EPHX2: variants seen among roughly 807,000 people sequenced by gnomAD.
EPHX2 encodes the protein bifunctional epoxide hydrolase 2.
In EPHX2, 74 loss-of-function variants were observed where a neutral mutation model predicts 78.7. That is an observed-to-expected ratio of 0.94 (90% confidence interval 0.78 to 1.14). The LOEUF is 1.14. Ranked by LOEUF, EPHX2 falls within the 50% of genes most tolerant of loss-of-function variation. The pLI is 0.00. For synonymous variants in EPHX2, 251 were observed against 255.2 expected (o/e 0.98, Z 0.16); for missense variants, 715 against 702.5 (o/e 1.02, Z -0.20).
chr8:27,514,221 C>T (rs908023938), intron 6 of EPHX2, among the ~76,000 whole-genome samples: 28 of 152,134 alleles, frequency 1.8e-4, no homozygotes, highest in African/African-American at 6.0e-4. Flanking sequence ...GTGGGAGGAT[C>T]GCTAGAGCCC....
In EPHX2 at chr8:27,544,611, A is replaced by G. The variant is rs1815527441; in HGVS notation, c.*89A>G. Reference sequence around the variant, plus strand: ...AGTATACAGAGGTGGCCTTACACACATCTTGCATGGATGGCAGCATTGTTC... The same window carrying G: ...AGTATACAGAGGTGGCCTTACACACGTCTTGCATGGATGGCAGCATTGTTC... On this transcript the variant is annotated 3_prime_UTR_variant, in exon 19 of 19. Transcript: ENST00000521400. 1 of 1,320,704 alleles carries G rather than the reference A, an allele frequency of 7.6e-7. No individual in the cohort carries two copies. Among genetic ancestry groups the G allele is most frequent in the Non-Finnish European group, 1.1e-6 (1 of 917,068 alleles). The allele number at this position is 1,320,704 out of a possible 1,614,324, so 81.8% of individuals were successfully genotyped here.
Position 27,543,634 on chromosome 8 carries a change from T to TC in EPHX2, c.1450-114dup, listed in dbSNP as rs1815483071. 3 of 1,006,052 alleles carry TC rather than the reference T, an allele frequency of 3.0e-6. No homozygotes were observed. The East Asian group carries it at 7.3e-5, about 25-fold the overall frequency. 62.3% of individuals were successfully genotyped at this position (1,006,052 alleles called of 1,614,324 possible). ...TAACCACGAGTCTGTTGTGCAAAGTTCGGCAGATACAACGTCAGGACCACA... is the reference window on the plus strand; with the variant it reads ...TAACCACGAGTCTGTTGTGCAAAGTTCCGGCAGATACAACGTCAGGACCACA... On this transcript the variant is annotated intron_variant, in intron 16 of 18. Transcript: ENST00000521400.
At chr8:27,538,003 TA>T (rs1374582168) in intron 13 of EPHX2, among the ~76,000 whole-genome samples, 1 of 152,232 alleles carries the variant, frequency 6.6e-6, no homozygotes, top group Non-Finnish European at 1.5e-5. Flanking sequence ...CTGGTGGCAT[TA>T]CCAACCCAGG....
In EPHX2 at chr8:27,510,289, G is replaced by A. The variant is rs140013867; in HGVS notation, c.661-1547G>A. On this transcript the variant is annotated intron_variant, in intron 5 of 18. Transcript: ENST00000521400. ...AGTAGGATTCACAGCGTGTCCAGCA[G>A]CAGAGTTCAGGCATAAGGCTATATT... Among the ~76,000 whole-genome samples the A allele has an allele frequency of 1.5e-3, 221 of 152,358 alleles. 2 individuals carry two copies. The highest frequency in any genetic ancestry group is 0.013 in the South Asian group (62 of 4,832).
At chr8:27,498,450 G>A (rs779653873) in intron 1 of EPHX2, among the ~76,000 whole-genome samples, 1 of 151,656 alleles carries the variant, frequency 6.6e-6, no homozygotes, top group African/African-American at 2.4e-5. Flanking sequence ...TTGTTTTATA[G>A]ATTCAGTGGT....
intron 1 of EPHX2, among the ~76,000 whole-genome samples, chr8:27,496,295 C>A (rs1381324081): frequency 6.6e-6 from 1 of 152,122 alleles, no homozygotes; most frequent in Non-Finnish European, 1.5e-5. Context: ...TACTGAAGGA[C>A]CAGAGTGCCT....
chr8:27,543,016 G>GC (rs984857495), intron 16 of EPHX2, among the ~76,000 whole-genome samples: 6 of 34,354 alleles, frequency 1.7e-4, no homozygotes, highest in Non-Finnish European at 2.7e-4. Context: ...TCCCCCCCCC[G>GC]CCCCCCGCCC....
chr8:27,510,944 C>T (rs1305073200), intron 5 of EPHX2, among the ~76,000 whole-genome samples: 2 of 151,868 alleles, frequency 1.3e-5, no homozygotes, highest in African/African-American at 4.8e-5. Flanking sequence ...GCAGAGACCC[C>T]CAAAAAAGGG....
intron 6 of EPHX2, among the ~76,000 whole-genome samples, chr8:27,513,727 T>C (rs1007423060): frequency 6.6e-6 from 1 of 152,180 alleles, no homozygotes; most frequent in East Asian, 1.9e-4. Context: ...GCTGAGTCAA[T>C]ATGAAGCTGT....
chr8:27,525,286 A>G lies in EPHX2; in HGVS notation c.1059-76A>G, dbSNP rs6992963. ...TTCCCACTCTGAGCTTCAGTTTTGA[A>G]CTGCAAAGTCCTTTCTGGCTCTTGT... On this transcript the variant is annotated intron_variant, in intron 11 of 18. Coordinates refer to ENST00000521400, the MANE Select transcript of EPHX2 (RefSeq NM_001979.6). 333 of 1,352,404 alleles carry G rather than the reference A, an allele frequency of 2.5e-4. No homozygotes were observed. The African/African-American group carries it at 4.3e-3, about 17-fold the overall frequency. 83.8% of individuals were successfully genotyped at this position (1,352,404 alleles called of 1,614,324 possible). A position where few individuals can be genotyped will look rare whatever the true frequency, so the allele number is the denominator to read the frequency against.
In EPHX2 at chr8:27,525,436, A is replaced by C; in HGVS notation, c.1133A>C (p.Asn378Thr). ...NMSPLESIKA[N>T]PVFDYQLYFQ... ...TCCCCTTTGGAGAGTATCAAAGCCA[A>C]CCCAGTATTTGATTACCAGCTCTAC... The change falls in exon 12 of 19, where the codon AAC (asparagine) becomes ACC (threonine). Residue 378 changes from asparagine (N) to threonine (T), a missense_variant. Coordinates refer to ENST00000521400, the MANE Select transcript of EPHX2 (RefSeq NM_001979.6). The C allele has an allele frequency of 6.2e-7, 1 of 1,614,168 alleles. No individual in the cohort carries two copies. The highest frequency in any genetic ancestry group is 8.5e-7 in the Non-Finnish European group (1 of 1,180,022).
chr8:27,513,230 G>C lies in EPHX2; in HGVS notation c.735+1320G>C, dbSNP rs951131750. 3.3e-5 allele frequency among the ~76,000 whole-genome samples: 5 copies of C among 152,164 alleles called. No homozygotes were observed. The East Asian group carries it at 7.7e-4, about 23-fold the overall frequency. On this transcript the variant is annotated intron_variant, in intron 6 of 18. Coordinates refer to ENST00000521400, the MANE Select transcript of EPHX2 (RefSeq NM_001979.6). ...GAGTGGGTTTGCATAGTAAGAAAAG[G>C]CTTTTCTGGGACTTAAAGCTACTGC...
chr8:27,501,396 T>TTCTTC (rs1563340511), intron 2 of EPHX2, among the ~76,000 whole-genome samples: 7 of 129,154 alleles, frequency 5.4e-5, no homozygotes, highest in Admixed American at 3.2e-4. Flanking sequence ...TCTTCTTCTT[T>TTCTTC]CTTCTTTCTT....
At chr8:27,504,882 T>G in intron 3 of EPHX2, 74 bp from the exon 4 acceptor site, 4 of 1,499,042 alleles carry the variant, frequency 2.7e-6, no homozygotes, top group Non-Finnish European at 2.8e-6. Context: ...ATCATTGGAG[T>G]CCCTTGGGGG....
chr8:27,508,932 C>A (rs1460754211), intron 5 of EPHX2, among the ~76,000 whole-genome samples: 1 of 146,150 alleles, frequency 6.8e-6, no homozygotes, highest in Admixed American at 6.9e-5. Context: ...TGGCCCCTGG[C>A]AACCCCCATC....
At chr8:27,513,590 T>C (rs1814335161) in intron 6 of EPHX2, among the ~76,000 whole-genome samples, 1 of 152,218 alleles carries the variant, frequency 6.6e-6, no homozygotes. Flanking sequence ...GGGGCTGTTG[T>C]ATTGATTGCC....
rs1815492936 is a variant in EPHX2, at chr8:27,543,820, G to A, written c.1521G>A (p.Met507Ile). 6.2e-7 allele frequency: 1 copy of A among 1,614,180 alleles called. No homozygotes were observed. The highest frequency in any genetic ancestry group is 1.3e-5 in the African/African-American group (1 of 75,052). ...FVLVPQMSQH[M>I]EDWIPHLKRG... ...TCGTTCCTCAGATGTCCCAGCACAT[G>A]GAGGACTGGGTGAGGGAATGGCCCT... is the stretch of plus-strand genomic sequence containing the variant. The change falls in exon 17 of 19, where the codon ATG becomes ATA. Residue 507 changes from methionine to isoleucine, a missense_variant. Coordinates refer to ENST00000521400, the MANE Select transcript of EPHX2 (RefSeq NM_001979.6).
At chr8:27,548,558 G>T (rs148941683), downstream of EPHX2, among the ~76,000 whole-genome samples, 538 of 152,312 alleles carry the variant, frequency 3.5e-3, 4 homozygotes, top group African/African-American at 0.012. Flanking sequence ...ACCCAACCCA[G>T]CACTGGCCTG....
Position 27,500,927 on chromosome 8 carries a change from G to A in EPHX2, c.103G>A (p.Gly35Arg). Residue 35 changes from glycine to arginine, a missense_variant and splice_region_variant, in exon 2 of 19, where the codon GGA (glycine) becomes AGA (arginine). Gly to Arg is a moderately radical substitution (Grantham distance 125). Transcript: ENST00000521400. ...CCTGATGTTCTTTGTGTTTTCCAGA[G>A]GACTTCTGAATGATGCTTTCCAGAA... ...RTEEALALPR[G>R]LLNDAFQKGG... 6.2e-7 allele frequency: 1 copy of A among 1,612,416 alleles called. No individual in the cohort carries two copies. Among genetic ancestry groups the A allele is most frequent in the Non-Finnish European group, 8.5e-7 (1 of 1,179,226 alleles).
Sources: gnomAD v4.1 joint callset for allele counts (sites outside exome capture counted in the v4.1 genomes callset) on GRCh38, gnomAD v4.1.1 for gene constraint, MANE v1.5 for transcripts, NCBI Gene and HGNC (gene_info 2026-07-23, HGNC 2026-07-21) for gene names.